NUFIP1: variants seen among roughly 807,000 people sequenced by gnomAD.
NUFIP1 encodes the protein nuclear FMR1 interacting protein 1, also known as FMR1-interacting protein NUFIP1.
NUFIP1 carries 38 observed loss-of-function variants against 56.2 expected under a neutral mutation model. The ratio of observed to expected loss-of-function variants is 0.68; its 90% CI spans 0.52 to 0.89. NUFIP1 has a LOEUF of 0.89. Ranked by LOEUF, NUFIP1 falls within the 40% of genes least tolerant of loss-of-function variation. NUFIP1 has a pLI of 0.00. For synonymous variants in NUFIP1, 215 were observed against 212.4 expected, an observed-to-expected ratio of 1.01 and a Z score of -0.10; for missense variants, 567 against 605.8, an observed-to-expected ratio of 0.94 and a Z score of 0.67.
intron 5 of NUFIP1, among the ~76,000 whole-genome samples, chr13:44,970,321 T>C (rs991909911): frequency 6.6e-6 from 1 of 152,096 alleles, no homozygotes; most frequent in East Asian, 1.9e-4. Context: ...ACCTGAAAAA[T>C]ACAGAGATGT....
At chr13:44,974,704 G>A (rs1021824470) in intron 5 of NUFIP1, among the ~76,000 whole-genome samples, 9 of 152,150 alleles carry the variant, frequency 5.9e-5, no homozygotes, top group African/African-American at 1.9e-4. Context: ...AGTGCCCACC[G>A]CTGCACCTGG....
intron 5 of NUFIP1, among the ~76,000 whole-genome samples, chr13:44,975,290 C>T (rs1282109536): frequency 1.3e-5 from 2 of 152,128 alleles, no homozygotes. Context: ...GTCCAAGTCC[C>T]AATGCCTACT....
chr13:44,962,589 TAAC>T (rs1871460551), intron 6 of NUFIP1, among the ~76,000 whole-genome samples: 1 of 152,234 alleles, frequency 6.6e-6, no homozygotes, highest in Non-Finnish European at 1.5e-5. Flanking sequence ...AGTAATGTCA[TAAC>T]ATCATAAAGT....
In NUFIP1 at chr13:44,963,934, C is replaced by T. The variant is rs574789747; in HGVS notation, c.827+1910G>A. Reference sequence around the variant, plus strand: ...ATATTCCTATTTATCCCTAATAACACATCTTGCTTTAACATCTATTTGGTC... The same window carrying T: ...ATATTCCTATTTATCCCTAATAACATATCTTGCTTTAACATCTATTTGGTC... On this transcript the variant is annotated intron_variant, in intron 6 of 9. Transcript: ENST00000379161. Among the ~76,000 whole-genome samples, 42 of 152,290 alleles carry T rather than the reference C, an allele frequency of 2.8e-4. 2 individuals carry two copies. The South Asian group carries it at 8.1e-3, about 29-fold the overall frequency.
chr13:44,944,608 C>T (rs1430770905), intron 8 of NUFIP1, among the ~76,000 whole-genome samples: 1 of 152,036 alleles, frequency 6.6e-6, no homozygotes, highest in Non-Finnish European at 1.5e-5. Context: ...GAACACCCGA[C>T]CTAATACATT....
At chr13:44,967,099 G>T (rs1871630984) in intron 5 of NUFIP1, among the ~76,000 whole-genome samples, 2 of 152,040 alleles carry the variant, frequency 1.3e-5, no homozygotes, top group East Asian at 3.8e-4. Context: ...TAAAGACTGG[G>T]GGGTAGGGGT....
rs1430969467 is a variant in NUFIP1 at position 44,965,864 on chromosome 13, T to C, written c.807A>G (p.Val269=). 1 of 1,600,054 alleles carries C rather than the reference T, an allele frequency of 6.2e-7. No homozygotes were observed. The highest frequency in any genetic ancestry group is 8.5e-7 in the Non-Finnish European group (1 of 1,174,344). The change falls in exon 6 of 10, where the codon GTA becomes GTG. Residue 269 remains valine, a synonymous_variant. Coordinates refer to ENST00000379161, the MANE Select transcript of NUFIP1 (RefSeq NM_012345.3). The part of the protein sequence containing the change: ...LKLEKEKRGA[V]LTTTQYGKMK... ...CTTACCCATATTGTGTTGTTGTCAA[T>C]ACTGCTCCTCTCTTCTCCTTTTCAA...
At chr13:44,976,418 AGAAGAGGAGGAGGAG>A (rs1212816548) in intron 5 of NUFIP1, among the ~76,000 whole-genome samples, 1 of 151,718 alleles carries the variant, frequency 6.6e-6, no homozygotes, top group Non-Finnish European at 1.5e-5. Flanking sequence ...GAGGAAGAAG[AGAAGAGGAGGAGGAG>A]GAAGAGGAAG....
At chr13:44,942,999 G>A (rs1197484268) in intron 9 of NUFIP1, among the ~76,000 whole-genome samples, 1 of 151,546 alleles carries the variant, frequency 6.6e-6, no homozygotes, top group Non-Finnish European at 1.5e-5. Flanking sequence ...AGGTGGAGGA[G>A]GGAGGGAAGG....
chr13:44,952,199 G>A (rs1871106367), intron 7 of NUFIP1, among the ~76,000 whole-genome samples: 1 of 152,120 alleles, frequency 6.6e-6, no homozygotes, highest in Non-Finnish European at 1.5e-5. Context: ...CCAGGCTGGA[G>A]TGCAGTGCAT....
At chr13:44,948,305 C>G (rs1870964270) in intron 8 of NUFIP1, among the ~76,000 whole-genome samples, 1 of 152,032 alleles carries the variant, frequency 6.6e-6, no homozygotes. Context: ...CCATGCCCGG[C>G]TAACTTTTGT....
At chr13:44,979,438 T>C (rs1332006845) in intron 4 of NUFIP1, among the ~76,000 whole-genome samples, 172 bp from the exon 5 acceptor site, 1 of 152,264 alleles carries the variant, frequency 6.6e-6, no homozygotes, top group African/African-American at 2.4e-5. Flanking sequence ...GAATCTATCA[T>C]GTATTTAATT....
chr13:44,948,141 CTTTTTT>C (rs61398364), intron 8 of NUFIP1, among the ~76,000 whole-genome samples: 1 of 120,824 alleles, frequency 8.3e-6, no homozygotes, highest in South Asian at 2.5e-4. Context: ...ACTACATTTC[CTTTTTT>C]TTTTTTTTTT....
chr13:44,966,476 A>G (rs189046918), intron 5 of NUFIP1, among the ~76,000 whole-genome samples: 38 of 151,776 alleles, frequency 2.5e-4, no homozygotes, highest in Admixed American at 9.2e-4. Context: ...CATCACGCCC[A>G]GCTAATTTTT....
At chr13:44,944,755 G>A (rs370384437) in intron 8 of NUFIP1, among the ~76,000 whole-genome samples, 1 of 151,852 alleles carries the variant, frequency 6.6e-6, no homozygotes, top group East Asian at 1.9e-4. Flanking sequence ...CAGAAAACTA[G>A]CTAGAAAACC....
chr13:44,948,142 T>TA (rs1491442612), intron 8 of NUFIP1, among the ~76,000 whole-genome samples: 1 of 84,378 alleles, frequency 1.2e-5, no homozygotes, highest in Admixed American at 1.2e-4. Flanking sequence ...CTACATTTCC[T>TA]TTTTTTTTTT....
intron 8 of NUFIP1, 112 bp from the exon 9 acceptor site, chr13:44,943,786 A>G (rs1870827598): frequency 1.3e-6 from 1 of 755,408 alleles, no homozygotes; most frequent in Non-Finnish European, 2.1e-6. Context: ...AATATTGTTC[A>G]CTTAATAACT....
intron 1 of NUFIP1, among the ~76,000 whole-genome samples, chr13:44,986,973 C>T (rs2137930363): frequency 1.3e-5 from 2 of 152,224 alleles, no homozygotes; most frequent in South Asian, 4.1e-4. Context: ...AGGCATTCCA[C>T]CACGCCTGGC....
chr13:44,976,307 GA>G (rs1052622440), intron 5 of NUFIP1, among the ~76,000 whole-genome samples: 1 of 151,828 alleles, frequency 6.6e-6, no homozygotes, highest in Non-Finnish European at 1.5e-5. Context: ...AGGAGAAGGA[GA>G]AGAAAGGAGG....
Sources: gnomAD v4.1 joint callset for allele counts (sites outside exome capture counted in the v4.1 genomes callset) on GRCh38, gnomAD v4.1.1 for gene constraint, MANE v1.5 for transcripts, NCBI Gene and HGNC (gene_info 2026-07-23, HGNC 2026-07-21) for gene names.